Variants in FBRS observed in about 807,000 individuals in gnomAD.
FBRS encodes fibrosin.
FBRS carries 15 observed loss-of-function variants against 86.1 expected under a neutral mutation model. The observed-to-expected ratio is 0.17, with a 90% CI of 0.12 to 0.27. FBRS has a LOEUF of 0.27. Among genes scored for constraint, FBRS ranks in the 10% least tolerant of loss-of-function variants. The probability of loss-of-function intolerance (pLI) is 1.00; values close to 1 mark genes in which losing one functional copy is unlikely to be tolerated. For synonymous variants in FBRS, 666 were observed against 575.8 expected (o/e 1.16, Z -2.24); for missense variants, 1,367 against 1,301.6 (o/e 1.05, Z -0.77).
chr16:30,662,269 G>T (rs971553775), intron 4 of FBRS, 151 bp from the exon 5 acceptor site: 2 of 1,211,060 alleles, frequency 1.7e-6, no homozygotes. Flanking sequence ...CAGCCCCCTA[G>T]AGCCCAGTCT....
Position 30,664,485 on chromosome 16 carries a change from C to T in FBRS, c.1326C>T (p.His442=), listed in dbSNP as rs1362844095. Residue 442 remains histidine (H), a synonymous_variant, in exon 7 of 18, where the codon CAC becomes CAT. Coordinates refer to ENST00000356166, the MANE Select transcript of FBRS (RefSeq NM_001105079.3). ...PPPPLLQVPG[H]PGASAANALS... ...CACCCCTGCTGCAGGTGCCAGGGCA[C>T]CCTGGGGCCTCAGCCGCTAACGCCC... 1.4e-6 allele frequency: 2 copies of T among 1,413,450 alleles called. No homozygotes were observed. The highest frequency in any genetic ancestry group is 2.9e-5 in the Admixed American group (1 of 34,072). The allele number at this position is 1,413,450 out of a possible 1,614,324, so 87.6% of individuals were successfully genotyped here.
In FBRS at chr16:30,664,513, T is replaced by C. The variant is rs761265322; in HGVS notation, c.1354T>C (p.Ser452Pro). The change falls in exon 7 of 18, where the codon TCT becomes CCT. Residue 452 changes from serine to proline, a missense_variant. By Grantham distance (74) the Ser-to-Pro change is moderately conservative. Around this residue, in one of 3 missense-constraint regions of FBRS, gnomAD observed 702 missense variants for 598.7 expected, o/e 1.17. Coordinates refer to ENST00000356166, the MANE Select transcript of FBRS (RefSeq NM_001105079.3). ...HPGASAANAL[S>P]EQDLIGQDLN... ...TGGGGCCTCAGCCGCTAACGCCCTT[T>C]CTGGTGAGTTTGGGGTCCTGGCCGG... 208 of 1,418,840 alleles carry C rather than the reference T, an allele frequency of 1.5e-4. No individual in the cohort carries two copies. Among genetic ancestry groups the C allele is most frequent in the East Asian group, 9.4e-4 (36 of 38,496 alleles). 87.9% of individuals were successfully genotyped at this position (1,418,840 alleles called of 1,614,324 possible). A position where few individuals can be genotyped will look rare whatever the true frequency, so the allele number is the denominator to read the frequency against.
At position 30,662,796 on chromosome 16, in the gene FBRS, G is replaced by T. The variant is rs1260261920; in HGVS notation, c.992G>T (p.Arg331Leu). ...PPPPQPQLQL[R>L]VSPFGLRTSP... Reference sequence around the variant, plus strand: ...CCACCCCAGCCCCAGCTGCAGCTTCGGGTCTCACCCTTCGGCCTCCGCACT... The same window carrying T: ...CCACCCCAGCCCCAGCTGCAGCTTCTGGTCTCACCCTTCGGCCTCCGCACT... The change falls in exon 6 of 18, where the codon CGG becomes CTG. Residue 331 changes from arginine (R) to leucine (L), a missense_variant. Transcript: ENST00000356166. 8.7e-6 allele frequency: 13 copies of T among 1,491,178 alleles called. No homozygotes were observed. The highest frequency in any genetic ancestry group is 2.5e-5 in the East Asian group (1 of 40,268). The allele number at this position is 1,491,178 out of a possible 1,614,324, so 92.4% of individuals were successfully genotyped here.
rs1037761215 is a variant in FBRS at position 30,666,966 on chromosome 16, C to T, written c.1851C>T (p.Ile617=). 6.2e-7 allele frequency: 1 copy of T among 1,611,612 alleles called. No individual in the cohort carries two copies. Among genetic ancestry groups the T allele is most frequent in the Non-Finnish European group, 8.5e-7 (1 of 1,178,958 alleles). ...CAMHVRVAYM[I]LRHQEKMKGD... ...TGCACGTGCGTGTGGCTTACATGAT[C>T]CTGAGACACCAGGAGAAAATGAAGG... Residue 617 remains isoleucine, a synonymous_variant, in exon 13 of 18, where the codon ATC becomes ATT. Transcript: ENST00000356166.
Position 30,665,833 on chromosome 16 carries a change from A to AT in FBRS, c.1773+128dup, listed in dbSNP as rs2052517089. On this transcript the variant is annotated intron_variant, in intron 11 of 17. Coordinates refer to ENST00000356166, the MANE Select transcript of FBRS (RefSeq NM_001105079.3). This position sits in a 1 kb window ranked among gnomAD's most constrained non-coding sequence, Gnocchi z 4.1. Reference sequence around the variant, plus strand: ...ACAATCGGGTGTTCCTGGGTGTCTAATAGAGAGGGAATTTCTGTAAATAGC... The same window carrying AT: ...ACAATCGGGTGTTCCTGGGTGTCTAATTAGAGAGGGAATTTCTGTAAATAGC... 7.0e-6 allele frequency: 6 copies of AT among 854,224 alleles called. No individual in the cohort carries two copies. The Admixed American group carries it at 8.4e-5, about 12-fold the overall frequency. 52.9% of individuals were successfully genotyped at this position (854,224 alleles called of 1,614,324 possible).
At chr16:30,664,102 G>A in intron 6 of FBRS, 113 bp from the exon 7 acceptor site, 1 of 1,226,270 alleles carries the variant, frequency 8.2e-7, no homozygotes, top group South Asian at 3.2e-5. Context: ...GCTGGGTTCT[G>A]CCACCTCCCG....
At chr16:30,660,868 G>A (rs564655410) in intron 2 of FBRS, among the ~76,000 whole-genome samples, 2 of 152,314 alleles carry the variant, frequency 1.3e-5, no homozygotes, top group Admixed American at 6.5e-5. Flanking sequence ...CTGCCTGGGG[G>A]ATGGGAGGAG....
At chr16:30,662,063 G>T (rs570007578) in intron 4 of FBRS, 1 of 254,646 alleles carries the variant, frequency 3.9e-6, no homozygotes, top group East Asian at 1.0e-4. Flanking sequence ...TCTGCAGTTG[G>T]TTTAAAACTT....
chr16:30,659,875 C>A lies in FBRS; in HGVS notation c.357C>A (p.Asp119Glu). The change falls in exon 1 of 18, where the codon GAC (aspartate) becomes GAA (glutamate). Residue 119 changes from aspartate to glutamate, a missense_variant. By Grantham distance (45) the Asp-to-Glu change is conservative (BLOSUM62 2). Transcript: ENST00000356166. ...AGGAGGAGGAGGAGGGGGGCGCAGA[C>A]GACGGCGAAGCCGAGGAGGAGCCTG... ...EEEEEEEGGA[D>E]DGEAEEEPEE... 6.5e-7 allele frequency: 1 copy of A among 1,544,742 alleles called. No individual in the cohort carries two copies. The highest frequency in any genetic ancestry group is 1.2e-5 in the South Asian group (1 of 84,040).
rs1157442971 is a variant in FBRS at position 30,670,705 on chromosome 16, CAG to C, written c.*1061_*1062del. 1.3e-5 allele frequency: 2 copies of C among 156,594 alleles called. No individual in the cohort carries two copies. The highest frequency in any genetic ancestry group is 4.8e-5 in the African/African-American group (2 of 41,466). 9.7% of individuals were successfully genotyped at this position (156,594 alleles called of 1,614,324 possible). On this transcript the variant is annotated 3_prime_UTR_variant, in exon 18 of 18. Coordinates refer to ENST00000356166, the MANE Select transcript of FBRS (RefSeq NM_001105079.3). ...CCAGGCTGGGGCCCAACCTAGAAGG[CAG>C]GGGTCAATCTAACAAAACCCTAACG...
rs867708326 is a variant in FBRS, at chr16:30,662,603, C to T, written c.799C>T (p.Leu267Phe). The T allele has an allele frequency of 7.8e-6, 12 of 1,541,384 alleles. No individual in the cohort carries two copies. Among genetic ancestry groups the T allele is most frequent in the Middle Eastern group, 1.7e-4 (1 of 5,984 alleles). The change falls in exon 6 of 18, where the codon CTC (leucine) becomes TTC (phenylalanine). Residue 267 changes from leucine (L) to phenylalanine (F), a missense_variant. By Grantham distance (22) the Leu-to-Phe change is conservative. Coordinates refer to ENST00000356166, the MANE Select transcript of FBRS (RefSeq NM_001105079.3). Reference protein sequence around the residue: ...GAFNGNCEAKLSVVPKVSGLE... With the variant: ...GAFNGNCEAKFSVVPKVSGLE... Reference sequence around the variant, plus strand: ...CTTCAATGGGAACTGTGAAGCAAAACTCTCCGTGGTCCCTAAAGTGTCGGG... The same window carrying T: ...CTTCAATGGGAACTGTGAAGCAAAATTCTCCGTGGTCCCTAAAGTGTCGGG...
chr16:30,662,706 C>T lies in FBRS; in HGVS notation c.902C>T (p.Pro301Leu), dbSNP rs761306911. Residue 301 changes from proline (P) to leucine (L), a missense_variant, in exon 6 of 18, where the codon CCA (proline) becomes CTA (leucine). Pro to Leu is a moderately conservative substitution (Grantham distance 98). Transcript: ENST00000356166. ...TTCCCCCCAAAGGAACCACCGCCTC[C>T]ACCGGTCCCTCGGCCTCCTGTCTCA... ...VPFPPKEPPP[P>L]PVPRPPVSPP... 1.9e-6 allele frequency: 3 copies of T among 1,548,804 alleles called. No individual in the cohort carries two copies. The South Asian group carries it at 3.6e-5, about 18-fold the overall frequency.
rs2052567452 is a variant in FBRS, at chr16:30,669,296, C to CT, written c.2594_2595insT (p.Phe867ValfsTer5). On this transcript the variant is annotated frameshift_variant, in exon 18 of 18. Coordinates refer to ENST00000356166, the MANE Select transcript of FBRS (RefSeq NM_001105079.3). LOFTEE classifies it high-confidence loss of function. This position sits in a 1 kb window ranked among gnomAD's most constrained non-coding sequence, Gnocchi z 5.9. ...CTGCTGTTTGAGAGGCCCCGGCCGC[C>CT]CCCGTTTCTGGGCCCTAGCCCACCA... The CT allele has an allele frequency of 1.3e-6, 2 of 1,594,210 alleles. No homozygotes were observed. The highest frequency in any genetic ancestry group is 2.7e-5 in the African/African-American group (2 of 74,344).
intron 6 of FBRS, chr16:30,663,244 C>T (rs567631257): frequency 1.1e-5 from 2 of 186,782 alleles, no homozygotes; most frequent in South Asian, 3.8e-4. Flanking sequence ...TGACAAGTCA[C>T]TTAACCCCTC....
At position 30,661,478 on chromosome 16, in the gene FBRS, C is replaced by T. The variant is rs1037753964; in HGVS notation, c.705+145C>T. ...GTCAGGATTAGGTTTTTGGGAGGAA[C>T]GGGGGTGGATTGGGAGGGTAAATGG... On this transcript the variant is annotated intron_variant, in intron 4 of 17. Coordinates refer to ENST00000356166, the MANE Select transcript of FBRS (RefSeq NM_001105079.3). 16 of 1,468,672 alleles carry T rather than the reference C, an allele frequency of 1.1e-5. No homozygotes were observed. The Admixed American group carries it at 1.3e-4, about 12-fold the overall frequency. The allele number at this position is 1,468,672 out of a possible 1,614,324, so 91.0% of individuals were successfully genotyped here.
rs774653148 is a variant in FBRS at position 30,667,575 on chromosome 16, C to A, written c.2027C>A (p.Ala676Glu). The part of the protein sequence containing the change: ...AVHAAANPFT[A>E]APGAHGPFLS... Reference sequence around the variant, plus strand: ...CACGCTGCAGCCAACCCTTTCACGGCAGCTCCCGGGGCCCACGGACCCTTC... The same window carrying A: ...CACGCTGCAGCCAACCCTTTCACGGAAGCTCCCGGGGCCCACGGACCCTTC... The change falls in exon 15 of 18, where the codon GCA (alanine) becomes GAA (glutamate). Residue 676 changes from alanine to glutamate, a missense_variant. Ala to Glu is a moderately radical substitution (Grantham distance 107, BLOSUM62 -1). This residue lies in a region of FBRS where 659 missense variants were observed against 678.8 expected (regional missense o/e 0.97). Coordinates refer to ENST00000356166, the MANE Select transcript of FBRS (RefSeq NM_001105079.3). The A allele has an allele frequency of 4.0e-5, 62 of 1,543,262 alleles. No individual in the cohort carries two copies. Among genetic ancestry groups the A allele is most frequent in the Non-Finnish European group, 5.3e-5 (61 of 1,143,114 alleles).
Position 30,659,606 on chromosome 16 carries a change from G to T in FBRS, c.88G>T (p.Asp30Tyr). Residue 30 changes from aspartate to tyrosine, a missense_variant, in exon 1 of 18, where the codon GAC becomes TAC. This residue lies in a region of FBRS where 702 missense variants were observed against 598.7 expected (regional missense o/e 1.17). Transcript: ENST00000356166. The stretch of plus-strand genomic sequence containing the variant: ...GCGGCGCTGCTCGCGCCGAGACCGA[G>T]ACCGGGAGCAGCGGCGCCGCCGAGG... ...RRRRCSRRDR[D>Y]REQRRRRGPG... The T allele has an allele frequency of 5.3e-6, 2 of 375,350 alleles. No homozygotes were observed. The highest frequency in any genetic ancestry group is 1.8e-4 in the South Asian group (2 of 10,840). 23.3% of individuals were successfully genotyped at this position (375,350 alleles called of 1,614,324 possible).
Position 30,664,887 on chromosome 16 carries a change from C to T in FBRS, c.1530C>T (p.Pro510=), listed in dbSNP as rs1173693579. 8 of 1,609,564 alleles carry T rather than the reference C, an allele frequency of 5.0e-6. No homozygotes were observed. Among genetic ancestry groups the T allele is most frequent in the Non-Finnish European group, 6.8e-6 (8 of 1,178,090 alleles). ...CCCACCAGCACTTCACCCCTTATCCCCCGGGCCTGCTGCCACCCCACGGCC... is the reference window on the plus strand; with the variant it reads ...CCCACCAGCACTTCACCCCTTATCCTCCGGGCCTGCTGCCACCCCACGGCC... ...QHTHQHFTPY[P]PGLLPPHGPH... The change falls in exon 8 of 18, where the codon CCC becomes CCT. Residue 510 remains proline, a synonymous_variant. Transcript: ENST00000356166.
chr16:30,664,481 G>A lies in FBRS; in HGVS notation c.1322G>A (p.Gly441Glu). 7.1e-7 allele frequency: 1 copy of A among 1,403,256 alleles called. No homozygotes were observed. The allele number at this position is 1,403,256 out of a possible 1,614,324, so 86.9% of individuals were successfully genotyped here. ...CCCCCACCCCTGCTGCAGGTGCCAG[G>A]GCACCCTGGGGCCTCAGCCGCTAAC... ...PPPPPLLQVP[G>E]HPGASAANAL... Residue 441 changes from glycine (G) to glutamate (E), a missense_variant, in exon 7 of 18, where the codon GGG (glycine) becomes GAG (glutamate). Gly to Glu is a moderately conservative substitution (Grantham distance 98). Around this residue, in one of 3 missense-constraint regions of FBRS, gnomAD observed 702 missense variants for 598.7 expected, o/e 1.17. Coordinates refer to ENST00000356166, the MANE Select transcript of FBRS (RefSeq NM_001105079.3).
Sources: allele counts gnomAD v4.1 joint callset (sites outside exome capture counted in the v4.1 genomes callset), GRCh38; gene constraint gnomAD v4.1.1; regional missense constraint gnomAD v4.1.1; non-coding constraint Gnocchi (gnomAD v3.1); transcripts MANE v1.5; gene names NCBI Gene and HGNC (gene_info 2026-07-23, HGNC 2026-07-21).